Variants in RANBP2 observed in about 807,000 individuals in gnomAD.
The protein encoded by RANBP2 is E3 SUMO-protein ligase RanBP2.
In RANBP2, 57 loss-of-function variants were observed where a neutral mutation model predicts 303.6. The observed-to-expected ratio is 0.19, with a 90% CI of 0.15 to 0.23. The LOEUF is 0.23. Among genes scored for constraint, RANBP2 ranks in the 10% least tolerant of loss-of-function variants. The pLI is 1.00. For synonymous variants in RANBP2, 1,167 were observed against 1,301.5 expected (o/e 0.90, Z 2.23); for missense variants, 3,138 against 3,780.8 (o/e 0.83, Z 4.46).
At chr2:109,567,630 T>C in the RANBP2 span, among the ~76,000 whole-genome samples, 1 of 152,216 alleles carries the variant, frequency 6.6e-6, no homozygotes, top group African/African-American at 2.4e-5. Flanking sequence ...TAAAAATAAA[T>C]TCTCCTTACA....
At chr2:109,351,809 C>T in the RANBP2 span, among the ~76,000 whole-genome samples, 5 of 152,214 alleles carry the variant, frequency 3.3e-5, no homozygotes, top group Non-Finnish European at 7.3e-5. Flanking sequence ...GCTGTCCTAA[C>T]CCTCATCTCA....
chr2:109,641,145 G>GTTTT, the RANBP2 span, among the ~76,000 whole-genome samples: 2 of 151,996 alleles, frequency 1.3e-5, no homozygotes, highest in Non-Finnish European at 2.9e-5. Flanking sequence ...TTGTTTGTTT[G>GTTTT]TTTGTTTGTT....
chr2:109,371,423 C>T, the RANBP2 span, among the ~76,000 whole-genome samples: 106 of 152,320 alleles, frequency 7.0e-4, no homozygotes, highest in Non-Finnish European at 1.2e-3. Context: ...AGAGAGGGTG[C>T]TCCTGGGTGA....
At chr2:109,285,421 G>A in the RANBP2 span, among the ~76,000 whole-genome samples, 1 of 152,236 alleles carries the variant, frequency 6.6e-6, no homozygotes, top group African/African-American at 2.4e-5. Flanking sequence ...GGCACAAACC[G>A]CTGATTCTCC....
the RANBP2 span, among the ~76,000 whole-genome samples, chr2:109,161,156 C>G: frequency 6.6e-6 from 1 of 152,170 alleles, no homozygotes; most frequent in Non-Finnish European, 1.5e-5. Flanking sequence ...AAAGCATGAG[C>G]AATGCCAACA....
chr2:109,104,507 G>A, the RANBP2 span, among the ~76,000 whole-genome samples: 1 of 149,428 alleles, frequency 6.7e-6, no homozygotes, highest in East Asian at 2.0e-4. Flanking sequence ...TTTTTGAGAC[G>A]GAGTCTCGCT....
At chr2:109,281,208 G>A in the RANBP2 span, among the ~76,000 whole-genome samples, 1 of 152,254 alleles carries the variant, frequency 6.6e-6, no homozygotes, top group African/African-American at 2.4e-5. Flanking sequence ...TGCGACCCCA[G>A]CTTCTGCCCT....
At chr2:109,075,381 C>G in the RANBP2 span, among the ~76,000 whole-genome samples, 1 of 149,924 alleles carries the variant, frequency 6.7e-6, no homozygotes, top group East Asian at 1.9e-4. Flanking sequence ...CCTGCCACCA[C>G]GCCCAGCTAA....
At chr2:109,692,966 C>T in the RANBP2 span, among the ~76,000 whole-genome samples, 1 of 151,532 alleles carries the variant, frequency 6.6e-6, no homozygotes, top group Admixed American at 6.6e-5. Context: ...TTACAGGCAC[C>T]CGCCACGGTG....
At chr2:109,574,661 C>A in the RANBP2 span, 13 of 1,609,268 alleles carry the variant, frequency 8.1e-6, no homozygotes, top group African/African-American at 6.7e-5. Context: ...TAGAGACACA[C>A]ATGGATGCGA....
the RANBP2 span, among the ~76,000 whole-genome samples, chr2:109,492,697 A>G: frequency 2.4e-4 from 37 of 152,278 alleles, 2 homozygotes; most frequent in East Asian, 7.1e-3. Flanking sequence ...TTAGTGGCCA[A>G]GCCAGAGATT....
chr2:109,763,570 AAGAG>A, the RANBP2 span, among the ~76,000 whole-genome samples: 25 of 150,084 alleles, frequency 1.7e-4, 3 homozygotes, highest in African/African-American at 5.9e-4. Context: ...TAAAATAACA[AAGAG>A]AGAGAGCCCT....
the RANBP2 span, among the ~76,000 whole-genome samples, chr2:109,451,845 G>A: frequency 6.6e-6 from 1 of 152,374 alleles, no homozygotes; most frequent in South Asian, 2.1e-4. Flanking sequence ...GTGGGCAGCA[G>A]AAGTGCGTAG....
the RANBP2 span, among the ~76,000 whole-genome samples, chr2:109,423,774 A>T: frequency 6.6e-6 from 1 of 152,122 alleles, no homozygotes; most frequent in African/African-American, 2.4e-5. Context: ...CGTCCTCAGG[A>T]TATTACAGAC....
chr2:109,470,064 C>A, the RANBP2 span, among the ~76,000 whole-genome samples: 4 of 152,200 alleles, frequency 2.6e-5, no homozygotes, highest in African/African-American at 9.7e-5. Flanking sequence ...TGAGCCCGTT[C>A]TGGTGGTGGG....
the RANBP2 span, among the ~76,000 whole-genome samples, chr2:109,294,121 G>C: frequency 6.6e-6 from 1 of 152,048 alleles, no homozygotes; most frequent in Non-Finnish European, 1.5e-5. Flanking sequence ...TTGCTCCTTG[G>C]GCCCCTCCAT....
At chr2:108,861,472 CTTTTTTTTTTTTTT>C in the RANBP2 span, among the ~76,000 whole-genome samples, 96,855 of 124,626 alleles carry the variant, frequency 0.78, 37,318 homozygotes, top group East Asian at 0.91. Context: ...AACTTTCTTC[CTTTTTTTTTTTTTT>C]TTTTTTTTTT....
the RANBP2 span, chr2:108,929,363 G>A: frequency 6.2e-7 from 1 of 1,614,088 alleles, no homozygotes; most frequent in Non-Finnish European, 8.5e-7. Flanking sequence ...CTCGTCTTTG[G>A]TGCCGTAGCC....
At chr2:109,142,847 C>T in the RANBP2 span, among the ~76,000 whole-genome samples, 62,886 of 151,980 alleles carry the variant, frequency 0.41, 14,760 homozygotes, top group Non-Finnish European at 0.54. Context: ...GACGTTTTCA[C>T]TCTCTAAACT....
Sources: allele counts gnomAD v4.1 joint callset (sites outside exome capture counted in the v4.1 genomes callset), GRCh38; gene constraint gnomAD v4.1.1; transcripts MANE v1.5; gene names NCBI Gene and HGNC (gene_info 2026-07-23, HGNC 2026-07-21).